Variants in NRDC observed in about 807,000 individuals in gnomAD.
NRDC encodes nardilysin.
Under a neutral mutation model 147.1 loss-of-function variants are expected in NRDC, and 54 were observed. The observed-to-expected ratio is 0.37, with a 90% CI of 0.29 to 0.46. The LOEUF (loss-of-function observed/expected upper bound fraction) is 0.46. Ranked by LOEUF, NRDC falls within the 20% of genes least tolerant of loss-of-function variation. NRDC has a pLI of 1.00. For missense variants in NRDC, 1,082 were observed against 1,370.6 expected, an observed-to-expected ratio of 0.79 and a Z score of 3.33; for synonymous variants, 440 against 482.1, an observed-to-expected ratio of 0.91 and a Z score of 1.14.
intron 2 of NRDC, chr1:51,837,541 G>A: frequency 6.3e-7 from 1 of 1,592,700 alleles, no homozygotes; most frequent in Non-Finnish European, 8.6e-7. Context: ...CAGCAGGGTT[G>A]AAGACATTTT....
At chr1:51,860,380 A>G (rs1557936547) in intron 1 of NRDC, among the ~76,000 whole-genome samples, 1 of 152,210 alleles carries the variant, frequency 6.6e-6, no homozygotes, top group Admixed American at 6.5e-5. Context: ...TCTTATCTGG[A>G]GACAGTTTAA....
chr1:51,828,010 A>G (rs564990191), intron 4 of NRDC, 141 bp from the exon 5 acceptor site: 14 of 661,600 alleles, frequency 2.1e-5, no homozygotes, highest in African/African-American at 2.0e-4. Context: ...CTGCATTTCT[A>G]TATTTTAAAC....
chr1:51,819,707 T>C (rs1680127784), intron 9 of NRDC, 93 bp downstream of exon 9: 1 of 972,502 alleles, frequency 1.0e-6, no homozygotes. Context: ...TTCTGTTGTG[T>C]TCTCATTTTC....
chr1:51,871,145 CCT>C (rs1178157953), intron 1 of NRDC, among the ~76,000 whole-genome samples: 4 of 152,032 alleles, frequency 2.6e-5, no homozygotes, highest in Admixed American at 6.6e-5. Context: ...GATGAAATCC[CCT>C]CTCTACTAAA....
intron 1 of NRDC, among the ~76,000 whole-genome samples, chr1:51,876,615 ACCTG>A (rs1683340382): frequency 6.6e-6 from 1 of 152,106 alleles, no homozygotes; most frequent in African/African-American, 2.4e-5. Context: ...GGGATACTCA[ACCTG>A]TACAATCACA....
At chr1:51,843,610 T>A (rs143939160) in intron 1 of NRDC, among the ~76,000 whole-genome samples, 30 of 152,354 alleles carry the variant, frequency 2.0e-4, no homozygotes, top group African/African-American at 7.2e-4. Flanking sequence ...GAATTATACA[T>A]GTTAACAAAC....
intron 1 of NRDC, among the ~76,000 whole-genome samples, chr1:51,851,376 A>G (rs1681939868): frequency 6.6e-6 from 1 of 151,764 alleles, no homozygotes; most frequent in Non-Finnish European, 1.5e-5. Flanking sequence ...AATCTATTTA[A>G]TACTTAACAC....
intron 7 of NRDC, among the ~76,000 whole-genome samples, chr1:51,822,046 T>A (rs1364548189): frequency 6.6e-6 from 1 of 152,008 alleles, no homozygotes; most frequent in Non-Finnish European, 1.5e-5. Context: ...AGGCTTTATA[T>A]ATATATATAT....
At chr1:51,844,823 AAGGAAGG>A in intron 1 of NRDC, among the ~76,000 whole-genome samples, 1 of 2,680 alleles carries the variant, frequency 3.7e-4, no homozygotes, top group Non-Finnish European at 8.0e-4. Flanking sequence ...GGAAAGAAGG[AAGGAAGG>A]AAGGAAGGAA....
intron 29 of NRDC, 41 bp from the exon 30 acceptor site, chr1:51,789,698 A>T: frequency 7.1e-7 from 1 of 1,410,844 alleles, no homozygotes; most frequent in Non-Finnish European, 1.0e-6. Context: ...TTCAAGAAGA[A>T]AGATAGCTCT....
intron 1 of NRDC, among the ~76,000 whole-genome samples, chr1:51,853,224 AAT>A (rs370655614): frequency 3.4e-5 from 5 of 148,600 alleles, no homozygotes; most frequent in African/African-American, 7.4e-5. Context: ...TCCAAAAAAA[AAT>A]ATATATATAT....
At chr1:51,835,222 C>T (rs1352726233) in intron 3 of NRDC, among the ~76,000 whole-genome samples, 3 of 151,754 alleles carry the variant, frequency 2.0e-5, no homozygotes, top group Admixed American at 6.6e-5. Context: ...CCACCATGCC[C>T]GGCTAATTTT....
chr1:51,818,790 A>C (rs1187235324), intron 9 of NRDC, among the ~76,000 whole-genome samples: 2 of 152,168 alleles, frequency 1.3e-5, no homozygotes, highest in Non-Finnish European at 2.9e-5. Flanking sequence ...AACAGAAAAA[A>C]AAATCTGCCG....
intron 29 of NRDC, 139 bp from the exon 30 acceptor site, chr1:51,789,796 C>A: frequency 1.6e-6 from 1 of 630,440 alleles, no homozygotes; most frequent in South Asian, 1.9e-5. Flanking sequence ...TTACCCCTAA[C>A]CTTCCAGACC....
At chr1:51,796,978 A>G (rs1022517486) in intron 22 of NRDC, among the ~76,000 whole-genome samples, 1 of 151,302 alleles carries the variant, frequency 6.6e-6, no homozygotes, top group African/African-American at 2.4e-5. Flanking sequence ...AGGTGGGCAG[A>G]TCACGAGGTC....
At chr1:51,810,537 C>A in intron 15 of NRDC, 133 bp from the exon 16 acceptor site, 1 of 703,110 alleles carries the variant, frequency 1.4e-6, no homozygotes, top group South Asian at 2.7e-5. Context: ...TTCATGAACA[C>A]CCTAATTTAC....
At chr1:51,796,046 A>T (rs1035995307) in intron 22 of NRDC, among the ~76,000 whole-genome samples, 4 of 151,550 alleles carry the variant, frequency 2.6e-5, no homozygotes, top group Admixed American at 2.6e-4. Flanking sequence ...CACCCAGCTA[A>T]TTTTTTTTAA....
intron 20 of NRDC, among the ~76,000 whole-genome samples, chr1:51,801,547 AT>A (rs530370128): frequency 1.3e-5 from 2 of 150,450 alleles, no homozygotes; most frequent in Middle Eastern, 3.4e-3. Context: ...ATCACACCTA[AT>A]TTTTTTTTTA....
chr1:51,837,169 T>C (rs1488724823), intron 2 of NRDC, among the ~76,000 whole-genome samples: 1 of 152,220 alleles, frequency 6.6e-6, no homozygotes, highest in Non-Finnish European at 1.5e-5. Flanking sequence ...AGGCGAATTA[T>C]TAACTTTCCC....
Sources: gnomAD v4.1 joint callset for allele counts (sites outside exome capture counted in the v4.1 genomes callset) on GRCh38, gnomAD v4.1.1 for gene constraint, MANE v1.5 for transcripts, NCBI Gene and HGNC (gene_info 2026-07-23, HGNC 2026-07-21) for gene names.